TSGA10: variants seen among roughly 807,000 people sequenced by gnomAD.
The protein encoded by TSGA10 is testis specific 10.
Under a neutral mutation model 96.6 loss-of-function variants are expected in TSGA10, and 43 were observed. The observed-to-expected ratio is 0.44, with a 90% confidence interval of 0.35 to 0.57. TSGA10 has a LOEUF of 0.57. Ranked by LOEUF, TSGA10 falls within the 20% of genes least tolerant of loss-of-function variation. The pLI, the probability that TSGA10 is intolerant of heterozygous loss-of-function variation, is 0.01. For missense variants in TSGA10, 703 were observed against 834.4 expected (o/e 0.84, Z 1.94); for synonymous variants, 229 against 269.9 (o/e 0.85, Z 1.48).
intron 18 of TSGA10, among the ~76,000 whole-genome samples, chr2:99,019,239 T>C (rs1156280456): frequency 6.6e-6 from 1 of 152,218 alleles, no homozygotes; most frequent in Non-Finnish European, 1.5e-5. Flanking sequence ...GATAGTATCA[T>C]AGACTGCTGA....
intron 1 of TSGA10, among the ~76,000 whole-genome samples, chr2:99,152,895 A>G (rs1473758139): frequency 2.0e-5 from 3 of 152,248 alleles, no homozygotes; most frequent in African/African-American, 7.2e-5. Context: ...CAGGTTTACA[A>G]GGCAGTTGTA....
chr2:99,079,761 G>C (rs1262593034), intron 11 of TSGA10, among the ~76,000 whole-genome samples: 1 of 152,148 alleles, frequency 6.6e-6, no homozygotes, highest in Non-Finnish European at 1.5e-5. Flanking sequence ...CACTGGTCTA[G>C]AGCTCTACAA....
At chr2:99,057,887 A>G (rs988943665) in intron 16 of TSGA10, among the ~76,000 whole-genome samples, 2 of 152,354 alleles carry the variant, frequency 1.3e-5, no homozygotes, top group East Asian at 1.9e-4. Flanking sequence ...TGGTACTGAT[A>G]TAAGGATAGA....
chr2:99,093,485 G>A (rs1271449479), intron 10 of TSGA10, among the ~76,000 whole-genome samples: 1 of 152,072 alleles, frequency 6.6e-6, no homozygotes, highest in Non-Finnish European at 1.5e-5. Context: ...TGATATGATC[G>A]TAGACCTAGA....
At position 99,104,105 on chromosome 2, in the gene TSGA10, C is replaced by G. The variant is rs1432966120; in HGVS notation, c.473G>C (p.Arg158Pro). Residue 158 changes from arginine (R) to proline (P), a missense_variant, in exon 10 of 21, where the codon CGT (arginine) becomes CCT (proline). Transcript: ENST00000393483. ...ECTVHNLDDE[R>P]MEQMSNMTLM... Reference sequence around the variant, plus strand: ...AGTCATATTTGACATTTGCTCCATACGTTCATCATCAAGCTATACAAGTAG... The same window carrying G: ...AGTCATATTTGACATTTGCTCCATAGGTTCATCATCAAGCTATACAAGTAG... 6.2e-7 allele frequency: 1 copy of G among 1,613,646 alleles called. No individual in the cohort carries two copies.
At position 99,035,430 on chromosome 2, in the gene TSGA10, C is replaced by T. The variant is rs1164357819; in HGVS notation, c.1414G>A (p.Ala472Thr). Residue 472 changes from alanine to threonine, a missense_variant, in exon 17 of 21, where the codon GCA becomes ACA. By Grantham distance (58) the Ala-to-Thr change is moderately conservative. Coordinates refer to ENST00000393483, the MANE Select transcript of TSGA10 (RefSeq NM_025244.4). ...ATCTGGGACTTGTAAGACCTTTCTG[C>T]ATTTAAGTGCTGTAAGAATAAAATT... Reference protein sequence around the residue: ...LNREVEQHLNAERSYKSQIST... With the variant: ...LNREVEQHLNTERSYKSQIST... The T allele has an allele frequency of 6.2e-7, 1 of 1,606,974 alleles. No homozygotes were observed. The highest frequency in any genetic ancestry group is 8.5e-7 in the Non-Finnish European group (1 of 1,175,814).
At chr2:99,096,479 G>C (rs1345184390) in intron 10 of TSGA10, among the ~76,000 whole-genome samples, 1 of 152,158 alleles carries the variant, frequency 6.6e-6, no homozygotes, top group Non-Finnish European at 1.5e-5. Context: ...ATGTTGATAA[G>C]GTTGCCTTTA....
intron 11 of TSGA10, 60 bp downstream of exon 11, chr2:99,081,222 T>C (rs779756568): frequency 2.1e-6 from 2 of 972,866 alleles, no homozygotes; most frequent in Non-Finnish European, 3.1e-6. Context: ...GAGAAGAAAA[T>C]ACATCTTTGC....
chr2:99,013,755 C>G (rs1183129151), intron 20 of TSGA10, among the ~76,000 whole-genome samples: 2 of 151,922 alleles, frequency 1.3e-5, no homozygotes, highest in Non-Finnish European at 2.9e-5. Context: ...GGGGCTCATG[C>G]CTGTAATCCC....
rs994273728 is a variant in TSGA10 at position 99,097,212 on chromosome 2, A to C, written c.611+6755T>G. Among the ~76,000 whole-genome samples, 31 of 152,282 alleles carry C rather than the reference A, an allele frequency of 2.0e-4. 1 individual carries two copies. The highest frequency in any genetic ancestry group is 7.5e-4 in the African/African-American group (31 of 41,570). On this transcript the variant is annotated intron_variant, in intron 10 of 20. Transcript: ENST00000393483. ...TATGTTATTGCATATTAATGACCTGAATCTGAAAATATATATATATAGGAC... is the reference window on the plus strand; with the variant it reads ...TATGTTATTGCATATTAATGACCTGCATCTGAAAATATATATATATAGGAC...
chr2:99,000,768 C>T (rs939944621), intron 20 of TSGA10, among the ~76,000 whole-genome samples: 1 of 152,134 alleles, frequency 6.6e-6, no homozygotes, highest in African/African-American at 2.4e-5. Flanking sequence ...GACACTCCCA[C>T]TCTACTACTG....
In TSGA10 at chr2:99,056,804, C is replaced by T. The variant is rs1193397104; in HGVS notation, c.1404+8135G>A. Among the ~76,000 whole-genome samples the T allele has an allele frequency of 6.1e-5, 7 of 114,450 alleles. No individual in the cohort carries two copies. In the Admixed American group the frequency reaches 7.1e-4, roughly 12 times the overall value. 75.1% of individuals were successfully genotyped at this position (114,450 alleles called of 152,430 possible). A position where few individuals can be genotyped will look rare whatever the true frequency, so the allele number is the denominator to read the frequency against. On this transcript the variant is annotated intron_variant, in intron 16 of 20. Transcript: ENST00000393483. ...AAAATTACAGACGCTCCTAGAAATA[C>T]ACAAAATCCTTCAAAAAAAAAAAAA... is the stretch of plus-strand genomic sequence containing the variant.
intron 17 of TSGA10, among the ~76,000 whole-genome samples, chr2:99,029,581 G>T (rs557362660): frequency 6.6e-6 from 1 of 152,068 alleles, no homozygotes; most frequent in South Asian, 2.1e-4. Flanking sequence ...GGGATGGAAG[G>T]CTGGTTCAAT....
At chr2:99,145,641 C>T (rs895099926) in intron 1 of TSGA10, among the ~76,000 whole-genome samples, 5 of 152,092 alleles carry the variant, frequency 3.3e-5, no homozygotes, top group African/African-American at 1.2e-4. Context: ...TCAGAGTCAG[C>T]TGATTAGCAA....
At chr2:99,118,476 T>A in intron 3 of TSGA10, 75 bp downstream of exon 3, 52 of 422,348 alleles carry the variant, frequency 1.2e-4, no homozygotes, top group East Asian at 3.2e-4. Flanking sequence ...AAAGTATATA[T>A]ACATATATAT....
At chr2:99,128,929 G>A (rs2092948681) in intron 1 of TSGA10, among the ~76,000 whole-genome samples, 1 of 152,090 alleles carries the variant, frequency 6.6e-6, no homozygotes, top group South Asian at 2.1e-4. Flanking sequence ...TTTAAATTTT[G>A]TAGAGTCAGG....
At chr2:99,053,926 A>G (rs901873936) in intron 16 of TSGA10, among the ~76,000 whole-genome samples, 8 of 152,202 alleles carry the variant, frequency 5.3e-5, no homozygotes, top group Non-Finnish European at 7.4e-5. Context: ...ACAGATCAGA[A>G]GAATTAATAA....
At chr2:99,007,776 G>A (rs1219717864) in intron 20 of TSGA10, among the ~76,000 whole-genome samples, 1 of 152,206 alleles carries the variant, frequency 6.6e-6, no homozygotes, top group Non-Finnish European at 1.5e-5. Context: ...AAATTGGCAA[G>A]TGCTACAGAT....
intron 14 of TSGA10, 66 bp downstream of exon 14, chr2:99,071,640 G>A: frequency 6.7e-7 from 1 of 1,485,082 alleles, no homozygotes; most frequent in African/African-American, 1.4e-5. Context: ...ATAAAATGAG[G>A]GCTGTTCCTC....
Sources: gnomAD v4.1 joint callset for allele counts (sites outside exome capture counted in the v4.1 genomes callset) on GRCh38, gnomAD v4.1.1 for gene constraint, MANE v1.5 for transcripts, NCBI Gene and HGNC (gene_info 2026-07-23, HGNC 2026-07-21) for gene names.